SNTG1: variants seen among roughly 807,000 people sequenced by gnomAD.
SNTG1 encodes the protein gamma-1-syntrophin.
SNTG1 carries 39 observed loss-of-function variants against 74.7 expected under a neutral mutation model. The observed-to-expected ratio is 0.52, with a 90% CI of 0.40 to 0.68. The LOEUF is 0.68. Among genes scored for constraint, SNTG1 ranks in the 30% least tolerant of loss-of-function variants. SNTG1 has a pLI of 0.00. For missense variants in SNTG1, 685 were observed against 609.5 expected, an observed-to-expected ratio of 1.12 and a Z score of -1.30; for synonymous variants, 254 against 217.1, an observed-to-expected ratio of 1.17 and a Z score of -1.49.
intron 2 of SNTG1, among the ~76,000 whole-genome samples, chr8:50,342,054 A>G (rs962345875): frequency 6.6e-6 from 1 of 152,082 alleles, no homozygotes; most frequent in Admixed American, 6.5e-5. Context: ...TAAAAATGGC[A>G]TAATCACTAT....
chr8:50,334,016 C>A (rs1479760195), intron 2 of SNTG1, among the ~76,000 whole-genome samples: 1 of 152,170 alleles, frequency 6.6e-6, no homozygotes, highest in Non-Finnish European at 1.5e-5. Flanking sequence ...CCTGCTTCAG[C>A]CTCCCAAGTA....
At chr8:50,108,083 T>C (rs2080448804) in intron 1 of SNTG1, among the ~76,000 whole-genome samples, 1 of 152,154 alleles carries the variant, frequency 6.6e-6, no homozygotes, top group Admixed American at 6.6e-5. Flanking sequence ...TATTCCAAGT[T>C]TTGATGAGGT....
At chr8:50,417,840 G>A (rs1488346533) in intron 4 of SNTG1, among the ~76,000 whole-genome samples, 1 of 151,964 alleles carries the variant, frequency 6.6e-6, no homozygotes, top group East Asian at 1.9e-4. Context: ...TACCACAGAT[G>A]ATCTGTCTTT....
At chr8:50,327,041 G>A (rs2090777017) in intron 2 of SNTG1, among the ~76,000 whole-genome samples, 1 of 152,018 alleles carries the variant, frequency 6.6e-6, no homozygotes, top group Admixed American at 6.5e-5. Context: ...TAGTTCCATT[G>A]TAGTGTGAGA....
chr8:50,438,882 T>C (rs1254661190), intron 5 of SNTG1, among the ~76,000 whole-genome samples: 1 of 152,184 alleles, frequency 6.6e-6, no homozygotes, highest in Non-Finnish European at 1.5e-5. Context: ...TATGATGTCG[T>C]GTGCATATCT....
chr8:50,309,235 G>A (rs545796039), intron 2 of SNTG1, among the ~76,000 whole-genome samples: 22 of 152,168 alleles, frequency 1.4e-4, no homozygotes, highest in African/African-American at 5.1e-4. Flanking sequence ...CGAAATCTGT[G>A]TATCATTTTC....
intron 13 of SNTG1, among the ~76,000 whole-genome samples, chr8:50,637,262 T>A (rs530446549): frequency 6.6e-6 from 1 of 152,164 alleles, no homozygotes; most frequent in African/African-American, 2.4e-5. Flanking sequence ...TGATTAAAAT[T>A]TTCTTGTTAT....
At chr8:50,337,281 A>G (rs2091173124) in intron 2 of SNTG1, among the ~76,000 whole-genome samples, 1 of 152,218 alleles carries the variant, frequency 6.6e-6, no homozygotes, top group African/African-American at 2.4e-5. Context: ...AGGAGCAGAA[A>G]CCATCATTGG....
intron 13 of SNTG1, 35 bp from the exon 14 acceptor site, chr8:50,656,874 G>A (rs1045846702): frequency 7.3e-7 from 1 of 1,375,098 alleles, no homozygotes; most frequent in African/African-American, 1.4e-5. Context: ...AAAATAAGAA[G>A]TTTTGACAGT....
intron 2 of SNTG1, among the ~76,000 whole-genome samples, chr8:50,339,847 T>C (rs1467937829): frequency 6.6e-6 from 1 of 152,006 alleles, no homozygotes; most frequent in African/African-American, 2.4e-5. Context: ...CTCATTAAAA[T>C]GCTCTAAATA....
chr8:50,516,556 G>T lies in SNTG1; in HGVS notation c.467-13621G>T, dbSNP rs188992951. Among the ~76,000 whole-genome samples the T allele has an allele frequency of 1.5e-3, 227 of 152,268 alleles. 1 individual carries two copies. The highest frequency in any genetic ancestry group is 5.2e-3 in the African/African-American group (218 of 41,556). On this transcript the variant is annotated intron_variant, in intron 9 of 18. Transcript: ENST00000642720. ...GGAAGATAAAAACCTTTAAAAAAAG[G>T]TTAGAGGAATTGCTAACTAGAATAA...
At chr8:50,398,307 G>T (rs1255923865) in intron 3 of SNTG1, among the ~76,000 whole-genome samples, 1 of 152,224 alleles carries the variant, frequency 6.6e-6, no homozygotes, top group Non-Finnish European at 1.5e-5. Flanking sequence ...CATACAGGGC[G>T]TTAGCACGCC....
At chr8:50,256,749 C>T (rs1236709200) in intron 2 of SNTG1, among the ~76,000 whole-genome samples, 1 of 151,412 alleles carries the variant, frequency 6.6e-6, no homozygotes, top group Non-Finnish European at 1.5e-5. Context: ...ACTCCACAAC[C>T]ATTTAACTGC....
chr8:50,384,076 A>T (rs1279422591), intron 2 of SNTG1, among the ~76,000 whole-genome samples: 1 of 152,216 alleles, frequency 6.6e-6, no homozygotes, highest in Non-Finnish European at 1.5e-5. Flanking sequence ...CACTACCCTC[A>T]TTTCCTAAAC....
In SNTG1 at chr8:50,504,637, C is replaced by CA. The variant is rs200308558; in HGVS notation, c.466+1764dup. Among the ~76,000 whole-genome samples, 400 of 151,794 alleles carry CA rather than the reference C, an allele frequency of 2.6e-3. 4 individuals carry two copies. Among genetic ancestry groups the CA allele is most frequent in the African/African-American group, 9.0e-3 (372 of 41,328 alleles). Reference sequence around the variant, plus strand: ...CAAAATGCCATCTCTACCAAAAATACAAAAAAACCCCAAAATAGCCAGGCA... The same window carrying CA: ...CAAAATGCCATCTCTACCAAAAATACAAAAAAAACCCCAAAATAGCCAGGCA... On this transcript the variant is annotated intron_variant, in intron 9 of 18. Transcript: ENST00000642720.
chr8:50,315,722 C>A (rs2090290272), intron 2 of SNTG1, among the ~76,000 whole-genome samples: 1 of 138,118 alleles, frequency 7.2e-6, no homozygotes, highest in African/African-American at 3.0e-5. Flanking sequence ...TCCTAACAAT[C>A]TTTCATTCAA....
chr8:49,931,510 T>C (rs1807589409), intron 1 of SNTG1, among the ~76,000 whole-genome samples: 1 of 152,136 alleles, frequency 6.6e-6, no homozygotes, highest in Non-Finnish European at 1.5e-5. Context: ...CATCGCACAA[T>C]ATACCCATGC....
intron 9 of SNTG1, among the ~76,000 whole-genome samples, chr8:50,506,242 A>G (rs930375236): frequency 2.0e-5 from 3 of 151,894 alleles, no homozygotes; most frequent in Non-Finnish European, 4.4e-5. Context: ...TGTTTTTATT[A>G]TTGCAGCTTT....
chr8:50,669,019 C>G (rs2095264744), intron 15 of SNTG1, among the ~76,000 whole-genome samples: 1 of 151,936 alleles, frequency 6.6e-6, no homozygotes, highest in Admixed American at 6.6e-5. Context: ...AAAAGAATCT[C>G]TGGGACACAT....
Sources: allele counts gnomAD v4.1 joint callset (sites outside exome capture counted in the v4.1 genomes callset), GRCh38; gene constraint gnomAD v4.1.1; transcripts MANE v1.5; gene names NCBI Gene and HGNC (gene_info 2026-07-23, HGNC 2026-07-21).